KIF23: variants seen among roughly 807,000 people sequenced by gnomAD.
KIF23 encodes the protein kinesin-like protein KIF23.
Under a neutral mutation model 137.5 loss-of-function variants are expected in KIF23, and 30 were observed. The observed-to-expected ratio is 0.22, with a 90% CI of 0.16 to 0.30. The LOEUF (loss-of-function observed/expected upper bound fraction) is 0.30, where lower values mean the gene tolerates loss of function less well. Among genes scored for constraint, KIF23 ranks in the 10% least tolerant of loss-of-function variants. The pLI is 1.00. For synonymous variants in KIF23, 367 were observed against 391.1 expected (o/e 0.94, Z 0.73); for missense variants, 920 against 1,194.3 (o/e 0.77, Z 3.38).
intron 10 of KIF23, among the ~76,000 whole-genome samples, chr15:69,428,149 C>T (rs7167595): frequency 0.96 from 146,645 of 152,104 alleles, 70,927 homozygotes; most frequent in Non-Finnish European, 1. Context: ...CCCAGCTACT[C>T]GGGACTGAGG....
At chr15:69,426,498 A>G (rs770251646) in intron 10 of KIF23, 41 bp downstream of exon 10, 3 of 1,595,238 alleles carry the variant, frequency 1.9e-6, no homozygotes, top group Non-Finnish European at 2.6e-6. Context: ...TTCTAACTCT[A>G]TCCTTAATTT....
rs2057488408 is a variant in KIF23, at chr15:69,436,618, A to G, written c.1493A>G (p.Glu498Gly). 6.2e-7 allele frequency: 1 copy of G among 1,612,826 alleles called. No homozygotes were observed. Reference sequence around the variant, plus strand: ...AGTTTTCCACCTTTGCCATCATGCGAAATTTTGGATATCAACGATGAGCAG... The same window carrying G: ...AGTTTTCCACCTTTGCCATCATGCGGAATTTTGGATATCAACGATGAGCAG... ...LQSFPPLPSC[E>G]ILDINDEQTL... The change falls in exon 15 of 24, where the codon GAA becomes GGA. Residue 498 changes from glutamate to glycine, a missense_variant. Transcript: ENST00000679126.
At chr15:69,432,043 T>C (rs1317246535) in intron 11 of KIF23, among the ~76,000 whole-genome samples, 3 of 152,176 alleles carry the variant, frequency 2.0e-5, no homozygotes, top group Non-Finnish European at 2.9e-5. Flanking sequence ...AAGTGGTGAT[T>C]ATTGGCGGAG....
In KIF23 at chr15:69,444,819, A is replaced by T; in HGVS notation, c.2451A>T (p.Pro817=). 1 of 1,614,172 alleles carries T rather than the reference A, an allele frequency of 6.2e-7. No homozygotes were observed. ...TCTTTCAACCTGATCAGAACGCACC[A>T]CCAATTCGTCTCCGACACAGACGAT... ...RLLFQPDQNA[P]PIRLRHRRSR... is the part of the protein sequence containing the mutation. Residue 817 remains proline, a synonymous_variant, in exon 20 of 24, where the codon CCA becomes CCT. Coordinates refer to ENST00000679126, the MANE Select transcript of KIF23 (RefSeq NM_001367805.3). This position sits in a 1 kb window ranked among gnomAD's most constrained non-coding sequence, Gnocchi z 4.2.
chr15:69,433,738 T>G (rs1467553438), intron 11 of KIF23, among the ~76,000 whole-genome samples: 1 of 151,996 alleles, frequency 6.6e-6, no homozygotes, highest in East Asian at 1.9e-4. Context: ...TTTATTTTAT[T>G]TTATTATTTT....
intron 11 of KIF23, chr15:69,434,873 T>A: frequency 1.3e-6 from 1 of 745,006 alleles, no homozygotes; most frequent in South Asian, 1.7e-5. Flanking sequence ...AGTCCATAGC[T>A]GCGCGGCCAT....
At chr15:69,435,195 T>G (rs1164706204) in intron 11 of KIF23, 4 of 473,986 alleles carry the variant, frequency 8.4e-6, no homozygotes, top group Non-Finnish European at 1.5e-5. Context: ...TTCAGAGAAT[T>G]TAGGATTTGG....
chr15:69,439,330 G>C (rs1315079447), intron 16 of KIF23, among the ~76,000 whole-genome samples: 2 of 151,282 alleles, frequency 1.3e-5, no homozygotes, highest in African/African-American at 2.4e-5. Flanking sequence ...TTTTTAATGA[G>C]ATAAATGATT....
chr15:69,427,062 A>G (rs945353557), intron 10 of KIF23, among the ~76,000 whole-genome samples: 19 of 152,276 alleles, frequency 1.2e-4, no homozygotes, highest in African/African-American at 3.8e-4. Flanking sequence ...CAGGAGGATC[A>G]CTTGAGGCCA....
At chr15:69,425,393 A>G (rs1308768011) in intron 8 of KIF23, 70 bp downstream of exon 8, 2 of 1,302,740 alleles carry the variant, frequency 1.5e-6, no homozygotes, top group Non-Finnish European at 2.1e-6. Flanking sequence ...ATTCTGTGGC[A>G]TGTTTGCATG....
At chr15:69,438,491 T>C (rs2057535837) in intron 16 of KIF23, 86 bp downstream of exon 16, 2 of 1,261,248 alleles carry the variant, frequency 1.6e-6, no homozygotes, top group Non-Finnish European at 2.2e-6. Flanking sequence ...CAACGGCCTG[T>C]AAATGCTGCT....
rs1198780146 is a variant in KIF23 at position 69,440,095 on chromosome 15, A to G, written c.1929+18A>G. 6.2e-7 allele frequency: 1 copy of G among 1,605,752 alleles called. No homozygotes were observed. The highest frequency in any genetic ancestry group is 1.7e-4 in the Middle Eastern group (1 of 6,028). ...AAGAATGTGTGAGTATCGTTTGGGT[A>G]GTGCTTGTCTCAGAGTCGGATGATT... On this transcript the variant is annotated intron_variant, in intron 17 of 23. Coordinates refer to ENST00000679126, the MANE Select transcript of KIF23 (RefSeq NM_001367805.3).
At position 69,416,021 on chromosome 15, in the gene KIF23, C is replaced by T. The variant is rs1236416578; in HGVS notation, c.39C>T (p.Thr13=). ...SARAKTPRKP[T]VKKGSQTNLK... ...GAGCTAAGACACCCCGGAAACCTAC[C>T]GTGAAAAAAGGGTCCCAAACGAACC... is the stretch of plus-strand genomic sequence containing the variant. Residue 13 remains threonine, a synonymous_variant, in exon 2 of 24, where the codon ACC becomes ACT. Coordinates refer to ENST00000679126, the MANE Select transcript of KIF23 (RefSeq NM_001367805.3). 8 of 1,577,590 alleles carry T rather than the reference C, an allele frequency of 5.1e-6. No homozygotes were observed. The highest frequency in any genetic ancestry group is 3.6e-5 in the South Asian group (3 of 82,968).
intron 20 of KIF23, among the ~76,000 whole-genome samples, chr15:69,445,435 T>C (rs2057719366): frequency 6.6e-6 from 1 of 152,102 alleles, no homozygotes; most frequent in Non-Finnish European, 1.5e-5. Context: ...CCCGTCAAAA[T>C]TACTCAGTAT....
At position 69,437,649 on chromosome 15, in the gene KIF23, CG is replaced by C. The variant is rs1165370610; in HGVS notation, c.1598-595del. Reference sequence around the variant, plus strand: ...CTAATTTTTGTATTTTTAGTAGAGACGGGGTTTCACCATGTTGGTCAGGCTG... The same window carrying C: ...CTAATTTTTGTATTTTTAGTAGAGACGGGTTTCACCATGTTGGTCAGGCTG... On this transcript the variant is annotated intron_variant, in intron 15 of 23. Coordinates refer to ENST00000679126, the MANE Select transcript of KIF23 (RefSeq NM_001367805.3). 1.4e-4 allele frequency among the ~76,000 whole-genome samples: 22 copies of C among 151,834 alleles called. No homozygotes were observed. The South Asian group carries it at 4.6e-3, about 32-fold the overall frequency.
rs61751121 is a variant in KIF23 at position 69,440,470 on chromosome 15, T to C, written c.2092T>C (p.Ser698Pro). The C allele has an allele frequency of 3.7e-5, 60 of 1,611,968 alleles. 1 individual carries two copies. In the Middle Eastern group the frequency reaches 2.1e-3, roughly 57 times the overall value. The change falls in exon 18 of 24, where the codon TCT (serine) becomes CCT (proline). Residue 698 changes from serine (S) to proline (P), a missense_variant. Ser to Pro is a moderately conservative substitution (Grantham distance 74). Coordinates refer to ENST00000679126, the MANE Select transcript of KIF23 (RefSeq NM_001367805.3). The part of the protein sequence containing the change: ...DREKVTQRSV[S>P]PSPVPLSSNY... ...AGAAAAAGTTACTCAAAGATCTGTT[T>C]CTCCATCACCTGTGCCTGTAAGTTA...
chr15:69,416,010 C>T lies in KIF23; in HGVS notation c.28C>T (p.Arg10Trp), dbSNP rs773977730. The T allele has an allele frequency of 5.1e-6, 8 of 1,578,338 alleles. No homozygotes were observed. The highest frequency in any genetic ancestry group is 2.3e-5 in the East Asian group (1 of 43,480). The change falls in exon 2 of 24, where the codon CGG becomes TGG. Residue 10 changes from arginine to tryptophan, a missense_variant. Around this residue, in one of 4 missense-constraint regions of KIF23, gnomAD observed 124 missense variants for 122.0 expected, o/e 1.02. Coordinates refer to ENST00000679126, the MANE Select transcript of KIF23 (RefSeq NM_001367805.3). ...TATGACCAGGAGAGCTAAGACACCCCGGAAACCTACCGTGAAAAAAGGGTC... is the reference window on the plus strand; with the variant it reads ...TATGACCAGGAGAGCTAAGACACCCTGGAAACCTACCGTGAAAAAAGGGTC... MKSARAKTP[R>W]KPTVKKGSQT...
At position 69,436,567 on chromosome 15, in the gene KIF23, C is replaced by G. The variant is rs763154644; in HGVS notation, c.1442C>G (p.Pro481Arg). 1.2e-6 allele frequency: 2 copies of G among 1,604,172 alleles called. No individual in the cohort carries two copies. The highest frequency in any genetic ancestry group is 2.2e-5 in the East Asian group (1 of 44,768). The change falls in exon 15 of 24, where the codon CCA becomes CGA. Residue 481 changes from proline to arginine, a missense_variant. Around this residue, in one of 4 missense-constraint regions of KIF23, gnomAD observed 714 missense variants for 866.2 expected, o/e 0.82. Coordinates refer to ENST00000679126, the MANE Select transcript of KIF23 (RefSeq NM_001367805.3). ...NQPRGPVGNE[P>R]LVTDVVLQSF... ...AATTTTCTATAATTCAATACAGAAC[C>G]ATTGGTTACTGACGTGGTTTTGCAG...
rs779056449 is a variant in KIF23 at position 69,423,141 on chromosome 15, G to T, written c.564-18G>T. On this transcript the variant is annotated intron_variant, in intron 6 of 23. Transcript: ENST00000679126. ...AAATGGACTTATAACGTATACAATT[G>T]AACTTTTCTTTTTTTAGACGACAAG... 11 of 1,464,562 alleles carry T rather than the reference G, an allele frequency of 7.5e-6. No individual in the cohort carries two copies. The South Asian group carries it at 1.3e-4, about 17-fold the overall frequency. The allele number at this position is 1,464,562 out of a possible 1,614,324, so 90.7% of individuals were successfully genotyped here. A position where few individuals can be genotyped will look rare whatever the true frequency, so the allele number is the denominator to read the frequency against.
Sources: gnomAD v4.1 joint callset for allele counts (sites outside exome capture counted in the v4.1 genomes callset) on GRCh38, gnomAD v4.1.1 for gene constraint, gnomAD v4.1.1 regional missense constraint, Gnocchi (gnomAD v3.1) non-coding constraint, MANE v1.5 for transcripts, NCBI Gene and HGNC (gene_info 2026-07-23, HGNC 2026-07-21) for gene names.